The following KIAA0825 variants were observed in gnomAD, a reference collection of about 807,000 sequenced individuals.
The protein encoded by KIAA0825 is uncharacterized protein KIAA0825.
KIAA0825 carries 119 observed loss-of-function variants against 147.6 expected under a neutral mutation model. The ratio of observed to expected loss-of-function variants is 0.81; its 90% CI spans 0.69 to 0.94. The LOEUF is 0.94. Ranked by LOEUF, KIAA0825 falls within the 40% of genes least tolerant of loss-of-function variation. The pLI is 0.00. For synonymous variants in KIAA0825, 470 were observed against 518.1 expected, an observed-to-expected ratio of 0.91 and a Z score of 1.26; for missense variants, 1,381 against 1,472.7, an observed-to-expected ratio of 0.94 and a Z score of 1.02.
intron 20 of KIAA0825, among the ~76,000 whole-genome samples, chr5:94,340,446 C>T (rs1782255748): frequency 1.3e-5 from 2 of 152,058 alleles, no homozygotes; most frequent in South Asian, 2.1e-4. Flanking sequence ...GGTTACCTAC[C>T]TGAGTTATTT....
intron 2 of KIAA0825, among the ~76,000 whole-genome samples, chr5:94,553,204 G>C (rs1470973089): frequency 6.6e-6 from 1 of 151,922 alleles, no homozygotes; most frequent in Non-Finnish European, 1.5e-5. Context: ...TTTGGGAGGC[G>C]GAGGCGGGTG....
intron 2 of KIAA0825, among the ~76,000 whole-genome samples, chr5:94,551,843 A>G (rs1053697043): frequency 6.6e-6 from 1 of 151,966 alleles, no homozygotes; most frequent in Non-Finnish European, 1.5e-5. Context: ...ATCAAACTGC[A>G]AAAATAAATA....
chr5:94,503,342 G>A (rs1357270277), intron 5 of KIAA0825, among the ~76,000 whole-genome samples: 3 of 151,934 alleles, frequency 2.0e-5, no homozygotes, highest in Admixed American at 2.0e-4. Context: ...CTAATACTGA[G>A]GAAACACATT....
chr5:94,270,478 G>A (rs1042524752), intron 20 of KIAA0825, among the ~76,000 whole-genome samples: 36 of 152,114 alleles, frequency 2.4e-4, no homozygotes, highest in African/African-American at 8.4e-4. Context: ...CAAAAAGAAC[G>A]ATGAGGGATT....
intron 2 of KIAA0825, among the ~76,000 whole-genome samples, chr5:94,551,205 A>AG (rs1389325328): frequency 6.6e-6 from 1 of 152,014 alleles, no homozygotes; most frequent in Admixed American, 6.6e-5. Flanking sequence ...GAAAGCCTTC[A>AG]GGGTTTATGG....
intron 20 of KIAA0825, among the ~76,000 whole-genome samples, chr5:94,314,006 A>G (rs1157294314): frequency 2.6e-5 from 4 of 151,626 alleles, no homozygotes; most frequent in African/African-American, 9.7e-5. Flanking sequence ...GTTTAAACAT[A>G]AGATTCTTAA....
intron 5 of KIAA0825, among the ~76,000 whole-genome samples, chr5:94,508,183 A>G (rs897840053): frequency 6.6e-6 from 1 of 151,612 alleles, no homozygotes; most frequent in African/African-American, 2.4e-5. Flanking sequence ...ACTGCTGGAT[A>G]TAATCACTAA....
At chr5:94,302,604 A>G (rs1004521063) in intron 20 of KIAA0825, among the ~76,000 whole-genome samples, 2 of 152,142 alleles carry the variant, frequency 1.3e-5, no homozygotes, top group African/African-American at 4.8e-5. Context: ...ATGGATAAAG[A>G]CATTTTTTTC....
At chr5:94,589,335 A>G (rs936228717) in intron 1 of KIAA0825, among the ~76,000 whole-genome samples, 2 of 152,190 alleles carry the variant, frequency 1.3e-5, no homozygotes, top group East Asian at 1.9e-4. Context: ...AGCTTCCACT[A>G]ATCTATTTGT....
At chr5:94,601,964 C>G (rs1184826213) in intron 1 of KIAA0825, among the ~76,000 whole-genome samples, 1 of 152,184 alleles carries the variant, frequency 6.6e-6, no homozygotes, top group Non-Finnish European at 1.5e-5. Context: ...ATTTGGAAAA[C>G]ATATTTCAGG....
intron 20 of KIAA0825, among the ~76,000 whole-genome samples, chr5:94,175,261 C>T (rs930813262): frequency 2.0e-5 from 3 of 152,204 alleles, no homozygotes; most frequent in African/African-American, 7.2e-5. Flanking sequence ...TTTCTTCAAA[C>T]ATCCTTGTCT....
chr5:94,195,529 AG>A (rs1771051108), intron 20 of KIAA0825, among the ~76,000 whole-genome samples: 1 of 152,188 alleles, frequency 6.6e-6, no homozygotes, highest in Admixed American at 6.5e-5. Flanking sequence ...AAAAGCATAT[AG>A]AAAAAAAGGA....
intron 6 of KIAA0825, among the ~76,000 whole-genome samples, chr5:94,478,326 G>A (rs1157652827): frequency 6.6e-6 from 1 of 152,154 alleles, no homozygotes; most frequent in Non-Finnish European, 1.5e-5. Flanking sequence ...CTGAGGAAAA[G>A]TTTTCATCAA....
In KIAA0825 at chr5:94,440,037, C is replaced by A; in HGVS notation, c.2442G>T (p.Leu814=). The A allele has an allele frequency of 6.4e-7, 1 of 1,551,714 alleles. No homozygotes were observed. Residue 814 remains leucine, a synonymous_variant, in exon 14 of 21, where the codon CTG becomes CTT. Coordinates refer to ENST00000682413, the MANE Select transcript of KIAA0825 (RefSeq NM_001145678.3). ...SQPRCNWNLL[L]ETLLHHDGLL... ...GTCCATCATGATGCAGTAGGGTTTCCAGAAGCAAGTTCCAGTTACAACGTG... is the reference window on the plus strand; with the variant it reads ...GTCCATCATGATGCAGTAGGGTTTCAAGAAGCAAGTTCCAGTTACAACGTG...
At chr5:94,553,758 CTG>C (rs1776008158) in intron 2 of KIAA0825, among the ~76,000 whole-genome samples, 1 of 145,148 alleles carries the variant, frequency 6.9e-6, no homozygotes, top group African/African-American at 2.6e-5. Flanking sequence ...AAGAAGGAGA[CTG>C]TTTAAAAAAA....
intron 20 of KIAA0825, among the ~76,000 whole-genome samples, chr5:94,273,519 C>T (rs748653539): frequency 3.4e-4 from 52 of 152,014 alleles, no homozygotes; most frequent in Non-Finnish European, 6.3e-4. Flanking sequence ...GAGCATAGTA[C>T]GCAATAAGAA....
chr5:94,155,776 T>C (rs984083284), intron 20 of KIAA0825, among the ~76,000 whole-genome samples: 4 of 152,206 alleles, frequency 2.6e-5, no homozygotes, highest in Admixed American at 2.6e-4. Flanking sequence ...CGTTTCCATA[T>C]GGTTGAAGTT....
intron 20 of KIAA0825, among the ~76,000 whole-genome samples, chr5:94,155,265 T>C (rs1007311623): frequency 6.7e-6 from 1 of 149,248 alleles, no homozygotes; most frequent in Non-Finnish European, 1.5e-5. Context: ...TTACCCAGGC[T>C]GGAGTGCAGT....
intron 20 of KIAA0825, among the ~76,000 whole-genome samples, chr5:94,209,939 T>C (rs957402654): frequency 6.6e-6 from 1 of 152,230 alleles, no homozygotes; most frequent in Non-Finnish European, 1.5e-5. Flanking sequence ...AAGGGTTTCA[T>C]CTTTGCCCAT....
Sources: gnomAD v4.1 joint callset for allele counts (sites outside exome capture counted in the v4.1 genomes callset) on GRCh38, gnomAD v4.1.1 for gene constraint, MANE v1.5 for transcripts, NCBI Gene and HGNC (gene_info 2026-07-23, HGNC 2026-07-21) for gene names.